CBLB: variants seen among roughly 807,000 people sequenced by gnomAD.
The protein encoded by CBLB is Cbl proto-oncogene B.
In CBLB, 31 loss-of-function variants were observed where a neutral mutation model predicts 104.9. The ratio of observed to expected loss-of-function variants is 0.30; its 90% CI spans 0.22 to 0.40. The LOEUF is 0.40. Among genes scored for constraint, CBLB ranks in the 10% least tolerant of loss-of-function variants. The pLI, the probability that CBLB is intolerant of heterozygous loss-of-function variation, is 1.00. For missense variants in CBLB, 1,062 were observed against 1,214.6 expected (o/e 0.87, Z 1.87); for synonymous variants, 440 against 422.6 (o/e 1.04, Z -0.51).
chr3:105,769,539 C>T (rs1306141848), intron 4 of CBLB, among the ~76,000 whole-genome samples: 2 of 152,210 alleles, frequency 1.3e-5, no homozygotes, highest in Non-Finnish European at 2.9e-5. Flanking sequence ...CATTAGGGTA[C>T]TAAAGTAAAG....
At chr3:105,739,410 CTA>C (rs1244525909) in intron 7 of CBLB, among the ~76,000 whole-genome samples, 2 of 152,120 alleles carry the variant, frequency 1.3e-5, no homozygotes, top group Non-Finnish European at 2.9e-5. Flanking sequence ...ACGAGCATCT[CTA>C]AGTTATCCAG....
intron 2 of CBLB, among the ~76,000 whole-genome samples, chr3:105,861,218 T>G (rs941447308): frequency 6.6e-6 from 1 of 152,162 alleles, no homozygotes; most frequent in Non-Finnish European, 1.5e-5. Context: ...TGTGGCATCC[T>G]CTAAGTCACA....
intron 9 of CBLB, among the ~76,000 whole-genome samples, chr3:105,733,262 C>G (rs1346643201): frequency 6.6e-6 from 1 of 151,204 alleles, no homozygotes; most frequent in African/African-American, 2.4e-5. Flanking sequence ...GAGGCTGAGG[C>G]AGGAGAATGG....
chr3:105,702,564 G>A (rs948279043), intron 11 of CBLB, 105 bp from the exon 12 acceptor site: 58 of 1,213,102 alleles, frequency 4.8e-5, no homozygotes, highest in Middle Eastern at 2.8e-4. Flanking sequence ...AATTTTCTAA[G>A]CCAAACAAGG....
intron 4 of CBLB, among the ~76,000 whole-genome samples, chr3:105,760,397 A>G (rs541290468): frequency 3.3e-5 from 5 of 152,334 alleles, no homozygotes; most frequent in Admixed American, 1.3e-4. Flanking sequence ...TTTTCTTTCT[A>G]AAGTACAACT....
chr3:105,750,765 T>G (rs1446030436), intron 5 of CBLB, among the ~76,000 whole-genome samples: 1 of 152,150 alleles, frequency 6.6e-6, no homozygotes, highest in Non-Finnish European at 1.5e-5. Context: ...TGGAAGATAA[T>G]TTAAAGGGAA....
chr3:105,815,298 A>C (rs2084881656), intron 3 of CBLB, among the ~76,000 whole-genome samples: 1 of 152,164 alleles, frequency 6.6e-6, no homozygotes, highest in African/African-American at 2.4e-5. Context: ...TTCTTTTAGA[A>C]TGTAGTAGTG....
At chr3:105,832,121 C>T (rs1560446360) in intron 3 of CBLB, among the ~76,000 whole-genome samples, 1 of 151,874 alleles carries the variant, frequency 6.6e-6, no homozygotes, top group African/African-American at 2.4e-5. Context: ...AGGTAATGCC[C>T]GAATACTACT....
chr3:105,683,415 G>A (rs1363073700), intron 14 of CBLB, among the ~76,000 whole-genome samples: 1 of 152,132 alleles, frequency 6.6e-6, no homozygotes, highest in Non-Finnish European at 1.5e-5. Context: ...TTACTTTTCT[G>A]TAACAATAGA....
At position 105,678,491 on chromosome 3, in the gene CBLB, T is replaced by C. The variant is rs997037002; in HGVS notation, c.2509A>G (p.Lys837Glu). Reference protein sequence around the residue: ...PARHSLIEHSKPPGSSSRPSS... With the variant: ...PARHSLIEHSEPPGSSSRPSS... ...GGCCGGCTACTGGAGCCAGGAGGTT[T>C]TGAATGTTCAATGAGACTATGCCTT... Residue 837 changes from lysine to glutamate, a missense_variant, in exon 17 of 19, where the codon AAA becomes GAA. Lys to Glu is a moderately conservative substitution (Grantham distance 56). Coordinates refer to ENST00000394030, the MANE Select transcript of CBLB (RefSeq NM_170662.5). The C allele has an allele frequency of 5.0e-6, 8 of 1,613,940 alleles. No homozygotes were observed. The highest frequency in any genetic ancestry group is 2.7e-5 in the African/African-American group (2 of 74,906).
chr3:105,699,197 C>G (rs535044634), intron 12 of CBLB, among the ~76,000 whole-genome samples: 1 of 151,838 alleles, frequency 6.6e-6, no homozygotes, highest in Non-Finnish European at 1.5e-5. Flanking sequence ...TTAGGAACTA[C>G]GTTAAATAAA....
At chr3:105,754,521 G>GAGAGAGAGAGAA (rs1437970435) in intron 4 of CBLB, among the ~76,000 whole-genome samples, 3 of 85,958 alleles carry the variant, frequency 3.5e-5, no homozygotes, top group Non-Finnish European at 6.7e-5. Context: ...GAGAGAGAGA[G>GAGAGAGAGAGAA]ACAGAGAGAG....
intron 3 of CBLB, among the ~76,000 whole-genome samples, chr3:105,827,830 G>C (rs1026227484): frequency 2.6e-5 from 4 of 152,138 alleles, no homozygotes; most frequent in African/African-American, 9.7e-5. Flanking sequence ...TGGTTGCTCT[G>C]AAAACAAGAT....
intron 13 of CBLB, among the ~76,000 whole-genome samples, chr3:105,686,828 A>G (rs1200687909): frequency 1.3e-5 from 2 of 152,156 alleles, no homozygotes; most frequent in African/African-American, 4.8e-5. Flanking sequence ...ACAGGGAGAC[A>G]AAAGCACAGA....
At chr3:105,788,002 C>T (rs1287850653) in intron 3 of CBLB, among the ~76,000 whole-genome samples, 1 of 151,940 alleles carries the variant, frequency 6.6e-6, no homozygotes, top group Non-Finnish European at 1.5e-5. Context: ...ATGGAATATG[C>T]CCACTGGGAA....
intron 9 of CBLB, chr3:105,724,058 A>G (rs2073261765): frequency 5.8e-6 from 1 of 171,518 alleles, no homozygotes; most frequent in South Asian, 2.0e-4. Flanking sequence ...TGAGGTTGCC[A>G]CAAATCTTTT....
At chr3:105,840,090 T>C (rs1232427880) in intron 3 of CBLB, among the ~76,000 whole-genome samples, 1 of 152,206 alleles carries the variant, frequency 6.6e-6, no homozygotes, top group Non-Finnish European at 1.5e-5. Flanking sequence ...AAAATCAGTA[T>C]GCCCTACAAA....
intron 14 of CBLB, among the ~76,000 whole-genome samples, chr3:105,682,690 G>A (rs1351465094): frequency 6.6e-6 from 1 of 151,976 alleles, no homozygotes; most frequent in Middle Eastern, 3.2e-3. Flanking sequence ...TTATTTTTTA[G>A]TAGGGTTTTG....
At chr3:105,695,827 G>A (rs1232690792) in intron 12 of CBLB, among the ~76,000 whole-genome samples, 4 of 151,588 alleles carry the variant, frequency 2.6e-5, no homozygotes, top group Non-Finnish European at 5.9e-5. Flanking sequence ...GCCTCTTTCA[G>A]GACAAAAATT....
Sources: gnomAD v4.1 joint callset for allele counts (sites outside exome capture counted in the v4.1 genomes callset) on GRCh38, gnomAD v4.1.1 for gene constraint, MANE v1.5 for transcripts, NCBI Gene and HGNC (gene_info 2026-07-23, HGNC 2026-07-21) for gene names.